Variants in PTPRM observed in about 807,000 individuals in gnomAD.
The protein encoded by PTPRM is receptor-type tyrosine-protein phosphatase mu.
PTPRM carries 47 observed loss-of-function variants against 186.7 expected under a neutral mutation model. That is an observed-to-expected ratio of 0.25 (90% CI 0.20 to 0.32). PTPRM has a LOEUF of 0.32. Among genes scored for constraint, PTPRM ranks in the 10% least tolerant of loss-of-function variants. PTPRM has a pLI of 1.00. For synonymous variants in PTPRM, 668 were observed against 674.9 expected (o/e 0.99, Z 0.16); for missense variants, 1,494 against 1,865.0 (o/e 0.80, Z 3.66).
Position 7,688,500 on chromosome 18 carries a change from T to C in PTPRM, c.74-85649T>C, listed in dbSNP as rs574887309. ...CCAATTGTTGGAGGACTGAGGCTTC[T>C]ACCTTTCTTCCTGCGAAGGTCGAGG... On this transcript the variant is annotated intron_variant, in intron 1 of 32. Coordinates refer to ENST00000580170, the MANE Select transcript of PTPRM (RefSeq NM_001105244.2). Among the ~76,000 whole-genome samples the C allele has an allele frequency of 1.1e-4, 17 of 152,350 alleles. No individual in the cohort carries two copies. The South Asian group carries it at 3.5e-3, about 32-fold the overall frequency.
chr18:7,847,206 AC>A (rs1331935856), intron 2 of PTPRM, among the ~76,000 whole-genome samples: 1 of 148,722 alleles, frequency 6.7e-6, no homozygotes, highest in African/African-American at 2.5e-5. Flanking sequence ...TCACTTTGAC[AC>A]CCAGCCTGGA....
intron 14 of PTPRM, among the ~76,000 whole-genome samples, chr18:8,206,270 T>TTTATTTTATTTTATG (rs2093929383): frequency 6.6e-6 from 1 of 151,806 alleles, no homozygotes; most frequent in Non-Finnish European, 1.5e-5. Context: ...TTTATTTTAT[T>TTTATTTTATTTTATG]TTGAGACGGA....
chr18:7,631,021 A>G (rs749215498), intron 1 of PTPRM, among the ~76,000 whole-genome samples: 20 of 152,202 alleles, frequency 1.3e-4, no homozygotes, highest in Non-Finnish European at 2.5e-4. Context: ...ATCAAATTAA[A>G]TTCAGAGATC....
chr18:8,273,168 A>G (rs2094793110), intron 19 of PTPRM, among the ~76,000 whole-genome samples: 1 of 152,144 alleles, frequency 6.6e-6, no homozygotes, highest in Non-Finnish European at 1.5e-5. Flanking sequence ...GTTACCACTT[A>G]GTACATTTTT....
chr18:7,959,435 A>G (rs1012493525), intron 7 of PTPRM, among the ~76,000 whole-genome samples: 6 of 152,150 alleles, frequency 3.9e-5, no homozygotes, highest in African/African-American at 9.7e-5. Flanking sequence ...CACCTGTCCT[A>G]TCATTTTTTG....
chr18:7,595,192 A>G (rs1598482045), intron 1 of PTPRM, among the ~76,000 whole-genome samples: 1 of 152,114 alleles, frequency 6.6e-6, no homozygotes, highest in South Asian at 2.1e-4. Flanking sequence ...TTGCTGGACT[A>G]TTTTAATTTC....
intron 14 of PTPRM, among the ~76,000 whole-genome samples, chr18:8,207,499 G>A (rs963647708): frequency 3.3e-5 from 5 of 152,078 alleles, no homozygotes; most frequent in East Asian, 1.9e-4. Context: ...CATTAAGTGC[G>A]GTTAGTCATT....
intron 2 of PTPRM, among the ~76,000 whole-genome samples, chr18:7,867,743 C>T (rs1353967326): frequency 1.3e-5 from 2 of 152,118 alleles, no homozygotes; most frequent in Non-Finnish European, 2.9e-5. Context: ...CAATGTTGGC[C>T]TGTCTTTCTA....
chr18:7,645,979 G>T (rs974762374), intron 1 of PTPRM, among the ~76,000 whole-genome samples: 1 of 152,118 alleles, frequency 6.6e-6, no homozygotes, highest in African/African-American at 2.4e-5. Flanking sequence ...AGACAAGCCT[G>T]GGGAAACTGT....
intron 14 of PTPRM, among the ~76,000 whole-genome samples, chr18:8,214,811 C>T (rs12455545): frequency 0.27 from 40,887 of 151,950 alleles, 5,572 homozygotes; most frequent in Middle Eastern, 0.51. Flanking sequence ...TACAGGCACC[C>T]GCCACCGTGC....
At chr18:7,955,502 T>C (rs2053249019) in intron 7 of PTPRM, 88 bp downstream of exon 7, 6 of 1,444,494 alleles carry the variant, frequency 4.2e-6, no homozygotes, top group Non-Finnish European at 5.6e-6. Flanking sequence ...CCTAGCACGC[T>C]TCCCCTAGCT....
At chr18:7,650,165 C>G (rs893634375) in intron 1 of PTPRM, among the ~76,000 whole-genome samples, 6 of 152,112 alleles carry the variant, frequency 3.9e-5, no homozygotes, top group Non-Finnish European at 7.4e-5. Flanking sequence ...TTAATGGGTT[C>G]TGCAGGGTGT....
At chr18:7,629,444 G>C (rs866547339) in intron 1 of PTPRM, among the ~76,000 whole-genome samples, 23 of 152,238 alleles carry the variant, frequency 1.5e-4, no homozygotes, top group Middle Eastern at 3.4e-3. Flanking sequence ...TTAGATTTAG[G>C]GTGGGGCCTG....
chr18:7,949,376 C>G (rs752393905), intron 6 of PTPRM, 21 bp downstream of exon 6: 1 of 1,578,278 alleles, frequency 6.3e-7, no homozygotes, highest in Non-Finnish European at 8.7e-7. Context: ...TGTTTTTATA[C>G]CAGAATATTC....
intron 7 of PTPRM, among the ~76,000 whole-genome samples, chr18:7,982,705 A>G (rs1161662024): frequency 1.3e-5 from 2 of 152,098 alleles, no homozygotes; most frequent in Non-Finnish European, 2.9e-5. Flanking sequence ...CAGCACCATC[A>G]CCACAAACAC....
At chr18:7,763,642 G>A (rs2041884734) in intron 1 of PTPRM, among the ~76,000 whole-genome samples, 1 of 152,148 alleles carries the variant, frequency 6.6e-6, no homozygotes, top group Admixed American at 6.5e-5. Context: ...TTACCGACAG[G>A]ATATGTGAAA....
At chr18:8,075,072 A>G (rs537518676) in intron 8 of PTPRM, among the ~76,000 whole-genome samples, 1 of 152,258 alleles carries the variant, frequency 6.6e-6, no homozygotes, top group African/African-American at 2.4e-5. Flanking sequence ...ATTGTTATAT[A>G]TGGTGTGAGA....
chr18:8,111,896 T>C (rs1447005097), intron 11 of PTPRM, among the ~76,000 whole-genome samples: 1 of 152,204 alleles, frequency 6.6e-6, no homozygotes, highest in Non-Finnish European at 1.5e-5. Context: ...TTCAAGAGAA[T>C]GGTCACGCTT....
intron 19 of PTPRM, among the ~76,000 whole-genome samples, chr18:8,262,029 TG>T (rs2094637716): frequency 2.0e-5 from 3 of 152,044 alleles, no homozygotes. Context: ...CTGGTCCTCC[TG>T]CTTTTGATTA....
Sources: allele counts gnomAD v4.1 joint callset (sites outside exome capture counted in the v4.1 genomes callset), GRCh38; gene constraint gnomAD v4.1.1; transcripts MANE v1.5; gene names NCBI Gene and HGNC (gene_info 2026-07-23, HGNC 2026-07-21).